AGBL4: variants seen among roughly 807,000 people sequenced by gnomAD.
The protein encoded by AGBL4 is cytosolic carboxypeptidase 6.
Under a neutral mutation model 66.4 loss-of-function variants are expected in AGBL4, and 58 were observed. The ratio of observed to expected loss-of-function variants is 0.87; its 90% CI spans 0.71 to 1.09. AGBL4 has a LOEUF of 1.09. Ranked by LOEUF, AGBL4 falls within the 50% of genes least tolerant of loss-of-function variation. The probability of loss-of-function intolerance (pLI) is 0.00; values close to 1 mark genes in which losing one functional copy is unlikely to be tolerated. For synonymous variants in AGBL4, 234 were observed against 222.9 expected, an observed-to-expected ratio of 1.05 and a Z score of -0.44; for missense variants, 579 against 631.0, an observed-to-expected ratio of 0.92 and a Z score of 0.88.
intron 4 of AGBL4, among the ~76,000 whole-genome samples, chr1:49,049,640 G>T (rs1414397844): frequency 6.6e-6 from 1 of 151,948 alleles, no homozygotes; most frequent in Admixed American, 6.6e-5. Flanking sequence ...TCACAAGAAG[G>T]CAGATTCTAG....
intron 4 of AGBL4, among the ~76,000 whole-genome samples, chr1:49,122,520 CA>C (rs1645678870): frequency 6.6e-6 from 1 of 152,126 alleles, no homozygotes; most frequent in South Asian, 2.1e-4. Context: ...TACTGATTAA[CA>C]ACAATTTAGG....
At chr1:48,783,596 C>T (rs1336219892) in intron 6 of AGBL4, among the ~76,000 whole-genome samples, 2 of 152,154 alleles carry the variant, frequency 1.3e-5, no homozygotes, top group Non-Finnish European at 2.9e-5. Flanking sequence ...AGACAATTCA[C>T]CTCCATGAGC....
intron 3 of AGBL4, among the ~76,000 whole-genome samples, chr1:49,679,908 C>T (rs965021714): frequency 1.3e-5 from 2 of 152,138 alleles, no homozygotes; most frequent in African/African-American, 4.8e-5. Flanking sequence ...ATTTTCTCTA[C>T]ATGCATTGAA....
chr1:48,869,828 T>G (rs1283004132), intron 5 of AGBL4, among the ~76,000 whole-genome samples: 1 of 152,136 alleles, frequency 6.6e-6, no homozygotes, highest in Non-Finnish European at 1.5e-5. Flanking sequence ...CCTCTCACAT[T>G]TTAATTTTCT....
intron 3 of AGBL4, among the ~76,000 whole-genome samples, chr1:49,628,071 C>A (rs1645498650): frequency 6.6e-6 from 1 of 152,152 alleles, no homozygotes; most frequent in African/African-American, 2.4e-5. Context: ...TCACTTGATA[C>A]CTGTTTGCAT....
At chr1:49,846,509 G>A in intron 2 of AGBL4, 1 of 795,132 alleles carries the variant, frequency 1.3e-6, no homozygotes, top group Non-Finnish European at 1.9e-6. Flanking sequence ...TATCAACAGG[G>A]TGGAAACAGA....
chr1:49,582,104 C>G (rs1558073610), intron 3 of AGBL4, among the ~76,000 whole-genome samples: 1 of 152,106 alleles, frequency 6.6e-6, no homozygotes, highest in Non-Finnish European at 1.5e-5. Flanking sequence ...CCTTAGGTGT[C>G]CTACGCACTG....
intron 2 of AGBL4, among the ~76,000 whole-genome samples, chr1:49,796,463 C>A (rs930515145): frequency 9.9e-5 from 15 of 151,118 alleles, no homozygotes; most frequent in Middle Eastern, 4.0e-3. Flanking sequence ...CTAAATAATT[C>A]CAACCGCTTA....
intron 11 of AGBL4, among the ~76,000 whole-genome samples, chr1:48,576,059 C>T (rs367923266): frequency 6.6e-6 from 1 of 152,176 alleles, no homozygotes; most frequent in South Asian, 2.1e-4. Flanking sequence ...TTCATGAGAG[C>T]TCTTTAGAGC....
chr1:49,636,215 G>T (rs888856690), intron 3 of AGBL4, among the ~76,000 whole-genome samples: 1 of 152,172 alleles, frequency 6.6e-6, no homozygotes, highest in Non-Finnish European at 1.5e-5. Context: ...ATTTCTCACA[G>T]TTCTGGGCAT....
intron 3 of AGBL4, among the ~76,000 whole-genome samples, chr1:49,288,884 A>G (rs1239419328): frequency 6.6e-6 from 1 of 152,216 alleles, no homozygotes; most frequent in Non-Finnish European, 1.5e-5. Flanking sequence ...CCTGGTAAAA[A>G]AAAATTAAAT....
chr1:49,981,319 C>T (rs2148384923), intron 1 of AGBL4, among the ~76,000 whole-genome samples: 1 of 152,144 alleles, frequency 6.6e-6, no homozygotes, highest in African/African-American at 2.4e-5. Context: ...TATGGAATTC[C>T]AATCGTCAGA....
At chr1:49,665,933 T>TG (rs1224090459) in intron 3 of AGBL4, among the ~76,000 whole-genome samples, 1 of 151,580 alleles carries the variant, frequency 6.6e-6, no homozygotes, top group Non-Finnish European at 1.5e-5. Flanking sequence ...TCTTAAGTTT[T>TG]TTTTTTTTAA....
intron 3 of AGBL4, among the ~76,000 whole-genome samples, chr1:49,309,924 A>T (rs780774920): frequency 4.6e-5 from 7 of 152,148 alleles, no homozygotes; most frequent in Non-Finnish European, 1.0e-4. Flanking sequence ...TAGAGGACAC[A>T]GGGAATAAGT....
At chr1:49,032,131 G>A (rs1332080795) in intron 5 of AGBL4, among the ~76,000 whole-genome samples, 1 of 152,194 alleles carries the variant, frequency 6.6e-6, no homozygotes, top group African/African-American at 2.4e-5. Context: ...AAGAAGGCCA[G>A]TGTGGGTAGA....
At chr1:49,289,564 A>T (rs1240712805) in intron 3 of AGBL4, among the ~76,000 whole-genome samples, 1 of 152,200 alleles carries the variant, frequency 6.6e-6, no homozygotes, top group Non-Finnish European at 1.5e-5. Flanking sequence ...GTCTGTGTTC[A>T]CTTTTGTAGT....
At chr1:48,626,307 C>G (rs1645501751) in intron 9 of AGBL4, among the ~76,000 whole-genome samples, 1 of 152,226 alleles carries the variant, frequency 6.6e-6, no homozygotes, top group South Asian at 2.1e-4. Flanking sequence ...ACACTTTCCA[C>G]TCACATATAT....
chr1:49,470,341 G>A (rs1372826212), intron 3 of AGBL4, among the ~76,000 whole-genome samples: 1 of 152,042 alleles, frequency 6.6e-6, no homozygotes, highest in East Asian at 1.9e-4. Context: ...TGCTACCCTT[G>A]TAAAATATTC....
chr1:49,557,730 G>A (rs1218022091), intron 3 of AGBL4, among the ~76,000 whole-genome samples: 3 of 152,040 alleles, frequency 2.0e-5, no homozygotes, highest in Non-Finnish European at 4.4e-5. Context: ...TTGTAAGTGA[G>A]TCCTATTGCT....
Sources: gnomAD v4.1 joint callset for allele counts (sites outside exome capture counted in the v4.1 genomes callset) on GRCh38, gnomAD v4.1.1 for gene constraint, MANE v1.5 for transcripts, NCBI Gene and HGNC (gene_info 2026-07-23, HGNC 2026-07-21) for gene names.